The following CPB2 variants were observed in gnomAD, a reference collection of about 807,000 sequenced individuals.
The protein encoded by CPB2 is carboxypeptidase B2.
Under a neutral mutation model 57.0 loss-of-function variants are expected in CPB2, and 54 were observed. The observed-to-expected ratio is 0.95, with a 90% CI of 0.76 to 1.19. The LOEUF is 1.19. Ranked by LOEUF, CPB2 falls within the 50% of genes most tolerant of loss-of-function variation. The pLI is 0.00. For synonymous variants in CPB2, 189 were observed against 178.1 expected, an observed-to-expected ratio of 1.06 and a Z score of -0.49; for missense variants, 426 against 512.0, an observed-to-expected ratio of 0.83 and a Z score of 1.62.
intron 7 of CPB2, among the ~76,000 whole-genome samples, chr13:46,066,393 C>A (rs746456649): frequency 3.9e-5 from 6 of 151,966 alleles, no homozygotes; most frequent in Non-Finnish European, 8.8e-5. Flanking sequence ...ATGGGAAACT[C>A]TTTTCTTTGA....
chr13:46,073,286 A>G (rs2044970171), intron 6 of CPB2: 1 of 155,992 alleles, frequency 6.4e-6, no homozygotes, highest in Admixed American at 6.5e-5. Flanking sequence ...GATTTGAAGC[A>G]TAATTTTTAC....
intron 1 of CPB2, among the ~76,000 whole-genome samples, chr13:46,093,190 G>A (rs1024054279): frequency 2.0e-5 from 3 of 152,170 alleles, no homozygotes; most frequent in African/African-American, 7.2e-5. Flanking sequence ...TGGGATTACA[G>A]GCGTGAGCCA....
chr13:46,077,870 T>C (rs751743870), intron 5 of CPB2, among the ~76,000 whole-genome samples: 1 of 151,834 alleles, frequency 6.6e-6, no homozygotes, highest in Non-Finnish European at 1.5e-5. Context: ...CTCACTGATA[T>C]GGGGAGTGGA....
chr13:46,093,964 C>T (rs2045330282), intron 1 of CPB2, among the ~76,000 whole-genome samples: 2 of 152,044 alleles, frequency 1.3e-5, no homozygotes, highest in African/African-American at 2.4e-5. Flanking sequence ...TAATTTTATG[C>T]TTTTCTGTAT....
intron 5 of CPB2, among the ~76,000 whole-genome samples, chr13:46,077,914 G>A (rs958436415): frequency 4.6e-5 from 7 of 152,100 alleles, no homozygotes; most frequent in Admixed American, 3.9e-4. Flanking sequence ...AGAGTAGAAT[G>A]GTGATTACCA....
chr13:46,061,000 A>T (rs1006473768), intron 8 of CPB2, among the ~76,000 whole-genome samples: 21 of 152,152 alleles, frequency 1.4e-4, no homozygotes, highest in African/African-American at 5.1e-4. Context: ...AGAGACAGAA[A>T]GTAGATAAGA....
intron 8 of CPB2, among the ~76,000 whole-genome samples, chr13:46,061,673 A>T (rs2044774079): frequency 3.9e-5 from 6 of 152,154 alleles, no homozygotes; most frequent in Admixed American, 3.9e-4. Context: ...CTCAACTGTG[A>T]GAAAATAAAT....
intron 2 of CPB2, among the ~76,000 whole-genome samples, chr13:46,087,057 G>A (rs1164263252): frequency 2.6e-5 from 4 of 152,210 alleles, no homozygotes; most frequent in Non-Finnish European, 4.4e-5. Context: ...GCCTGGGTCT[G>A]CAACCCCAGC....
chr13:46,080,190 T>C (rs1324729338), intron 4 of CPB2, among the ~76,000 whole-genome samples: 2 of 152,196 alleles, frequency 1.3e-5, no homozygotes, highest in African/African-American at 2.4e-5. Context: ...CCATTTCTTC[T>C]AAGAAGTAAT....
intron 2 of CPB2, among the ~76,000 whole-genome samples, chr13:46,085,871 C>T (rs935286957): frequency 6.6e-6 from 1 of 152,236 alleles, no homozygotes; most frequent in African/African-American, 2.4e-5. Flanking sequence ...TGAGCCCACT[C>T]GGCCTGGCAG....
chr13:46,087,312 G>A (rs1593911042), intron 2 of CPB2, among the ~76,000 whole-genome samples: 1 of 152,350 alleles, frequency 6.6e-6, no homozygotes, highest in Admixed American at 6.5e-5. Flanking sequence ...TAGATGGGCC[G>A]CCACTGCCAT....
chr13:46,056,667 T>C (rs1475657436), intron 9 of CPB2, among the ~76,000 whole-genome samples: 4 of 152,228 alleles, frequency 2.6e-5, no homozygotes, highest in Admixed American at 2.0e-4. Context: ...TACTTTCTGA[T>C]GCTATCACCC....
intron 1 of CPB2, among the ~76,000 whole-genome samples, chr13:46,094,055 CTG>C (rs2045331634): frequency 6.6e-6 from 1 of 152,166 alleles, no homozygotes; most frequent in Non-Finnish European, 1.5e-5. Context: ...TCTCCTTTGA[CTG>C]TGAAAAAGCC....
chr13:46,054,028 T>G (rs1452209098), intron 10 of CPB2, among the ~76,000 whole-genome samples: 1 of 152,202 alleles, frequency 6.6e-6, no homozygotes, highest in Non-Finnish European at 1.5e-5. Context: ...GCTCTGTACT[T>G]TTTGCAATTA....
intron 1 of CPB2, among the ~76,000 whole-genome samples, chr13:46,089,559 T>C (rs1263284903): frequency 6.6e-6 from 1 of 152,154 alleles, no homozygotes; most frequent in East Asian, 1.9e-4. Flanking sequence ...TCAATTAGTA[T>C]TATGAGTGAG....
At chr13:46,086,733 C>T (rs2045212367) in intron 2 of CPB2, among the ~76,000 whole-genome samples, 1 of 152,230 alleles carries the variant, frequency 6.6e-6, no homozygotes, top group Non-Finnish European at 1.5e-5. Flanking sequence ...CTATTTATGG[C>T]ACCCAGGATT....
intron 6 of CPB2, among the ~76,000 whole-genome samples, chr13:46,068,221 AT>A (rs2044884521): frequency 6.6e-6 from 1 of 152,242 alleles, no homozygotes; most frequent in Admixed American, 6.5e-5. Context: ...TAAATATTTA[AT>A]TTAGTTTATA....
intron 10 of CPB2, among the ~76,000 whole-genome samples, 168 bp from the exon 11 acceptor site, chr13:46,053,966 C>A (rs1424936561): frequency 6.6e-6 from 1 of 151,834 alleles, no homozygotes; most frequent in Non-Finnish European, 1.5e-5. Context: ...TACATAATTG[C>A]TTCTTTGTCT....
chr13:46,061,185 A>G (rs2077101225), intron 8 of CPB2, among the ~76,000 whole-genome samples: 1 of 152,238 alleles, frequency 6.6e-6, no homozygotes, highest in Admixed American at 6.5e-5. Context: ...GGCAAATTTT[A>G]TATTGCATGT....
Sources: gnomAD v4.1 joint callset for allele counts (sites outside exome capture counted in the v4.1 genomes callset) on GRCh38, gnomAD v4.1.1 for gene constraint, MANE v1.5 for transcripts, NCBI Gene and HGNC (gene_info 2026-07-23, HGNC 2026-07-21) for gene names.